Variants in TRARG1 observed in about 807,000 individuals in gnomAD.
TRARG1 encodes trafficking regulator of GLUT4 (SLC2A4) 1 (gene/pseudogene).
A neutral mutation model predicts 13.3 loss-of-function variants in TRARG1; 16 were observed. That is an observed-to-expected ratio of 1.20 (90% CI 0.81 to 1.83). TRARG1 has a LOEUF of 1.83. TRARG1 is among the 40% of genes most tolerant of loss of function. The probability of loss-of-function intolerance (pLI) is 0.00; values close to 1 mark genes in which losing one functional copy is unlikely to be tolerated. For synonymous variants in TRARG1, 113 were observed against 106.2 expected (o/e 1.06, Z -0.39); for missense variants, 250 against 237.4 (o/e 1.05, Z -0.35).
intron 1 of TRARG1, among the ~76,000 whole-genome samples, chr17:1,290,016 G>GAACT (rs973170210): frequency 6.6e-6 from 1 of 152,082 alleles, no homozygotes; most frequent in Non-Finnish European, 1.5e-5. Context: ...GGGAACCTGG[G>GAACT]AACTGTTCAA....
intron 1 of TRARG1, among the ~76,000 whole-genome samples, chr17:1,291,105 C>T (rs1433183144): frequency 6.6e-6 from 1 of 152,108 alleles, no homozygotes; most frequent in African/African-American, 2.4e-5. Flanking sequence ...GGGGTTTCAC[C>T]ATGTTGGTCA....
intron 1 of TRARG1, among the ~76,000 whole-genome samples, chr17:1,283,883 C>A (rs1176025027): frequency 2.0e-5 from 3 of 151,870 alleles, no homozygotes; most frequent in Non-Finnish European, 4.4e-5. Flanking sequence ...GAGGCCGAGG[C>A]GGGCAGATCA....
At chr17:1,290,650 G>A (rs994487726) in intron 1 of TRARG1, among the ~76,000 whole-genome samples, 4 of 151,978 alleles carry the variant, frequency 2.6e-5, no homozygotes, top group African/African-American at 9.7e-5. Context: ...CTTGTACCAC[G>A]CCCACATCAT....
rs2072140222 is a variant in TRARG1 at position 1,299,621 on chromosome 17, G to C, written c.*1357G>C. 2 of 152,340 alleles carry C rather than the reference G, an allele frequency of 1.3e-5. No individual in the cohort carries two copies. Among genetic ancestry groups the C allele is most frequent in the South Asian group, 2.1e-4 (1 of 4,824 alleles). The allele number at this position is 152,340 out of a possible 1,614,324, so 9.4% of individuals were successfully genotyped here. ...ACACTTCTCCCTGGCCCAGGCTCCA[G>C]CCACAGGCACCTCTCCTGCCCCCGC... On this transcript the variant is annotated 3_prime_UTR_variant, in exon 3 of 3. Coordinates refer to ENST00000333813, the MANE Select transcript of TRARG1 (RefSeq NM_172367.3).
chr17:1,283,673 G>C (rs189387291), intron 1 of TRARG1, among the ~76,000 whole-genome samples: 58 of 152,088 alleles, frequency 3.8e-4, no homozygotes, highest in African/African-American at 1.3e-3. Context: ...GCCAGGTGTG[G>C]TGTCATGTGC....
At chr17:1,282,253 T>TATGTATATGTACGTATATGC (rs2071985400) in intron 1 of TRARG1, among the ~76,000 whole-genome samples, 2 of 105,462 alleles carry the variant, frequency 1.9e-5, no homozygotes, top group Admixed American at 9.6e-5. Flanking sequence ...CACGTATATG[T>TATGTATATGTACGTATATGC]ACGTATATGT....
At chr17:1,292,905 A>G (rs954826518) in intron 1 of TRARG1, among the ~76,000 whole-genome samples, 4 of 152,146 alleles carry the variant, frequency 2.6e-5, no homozygotes, top group African/African-American at 9.7e-5. Context: ...CTGGGGTCTC[A>G]CACAGGGCCT....
chr17:1,279,929 A>G lies in TRARG1; in HGVS notation c.-73A>G. On this transcript the variant is annotated 5_prime_UTR_variant, in exon 1 of 3. Coordinates refer to ENST00000333813, the MANE Select transcript of TRARG1 (RefSeq NM_172367.3). Reference sequence around the variant, plus strand: ...TGGAGGCCCTCAGTCTGGGCTGGGGAATGGCGCGCTGAGGTCCCTCCAGAG... The same window carrying G: ...TGGAGGCCCTCAGTCTGGGCTGGGGGATGGCGCGCTGAGGTCCCTCCAGAG... 6.6e-7 allele frequency: 1 copy of G among 1,509,832 alleles called. No individual in the cohort carries two copies. Among genetic ancestry groups the G allele is most frequent in the South Asian group, 1.3e-5 (1 of 74,610 alleles). 93.5% of individuals were successfully genotyped at this position (1,509,832 alleles called of 1,614,324 possible). A position where few individuals can be genotyped will look rare whatever the true frequency, so the allele number is the denominator to read the frequency against.
intron 1 of TRARG1, among the ~76,000 whole-genome samples, chr17:1,288,348 T>TTCCCCATCCCCCAGGGGC (rs1567930575): frequency 3.3e-5 from 1 of 30,612 alleles, no homozygotes. Context: ...CCCCCACGGG[T>TTCCCCATCCCCCAGGGGC]TCCCCATCCC....
At chr17:1,291,668 A>G (rs2072070173) in intron 1 of TRARG1, among the ~76,000 whole-genome samples, 1 of 152,172 alleles carries the variant, frequency 6.6e-6, no homozygotes, top group South Asian at 2.1e-4. Context: ...ATTTGGCATC[A>G]TACCTAGCAC....
rs2071964481 is a variant in TRARG1, at chr17:1,280,356, C to T, written c.355C>T (p.Leu119Phe). ...VVACFCPVWP[L>F]NLIPLIISIM... is the part of the protein sequence containing the mutation. The stretch of plus-strand genomic sequence containing the variant: ...CGCCTGCTTCTGCCCCGTCTGGCCC[C>T]TCAACCTCATCCCCCTCATCATTTC... Residue 119 changes from leucine to phenylalanine, a missense_variant, in exon 1 of 3, where the codon CTC becomes TTC. By Grantham distance (22) the Leu-to-Phe change is conservative. Transcript: ENST00000333813. The T allele has an allele frequency of 2.5e-6, 4 of 1,609,354 alleles. No homozygotes were observed. Among genetic ancestry groups the T allele is most frequent in the Non-Finnish European group, 3.4e-6 (4 of 1,177,868 alleles).
intron 1 of TRARG1, among the ~76,000 whole-genome samples, chr17:1,282,219 C>CGTATATGT (rs1567928157): frequency 0.014 from 1,643 of 114,916 alleles, 79 homozygotes; most frequent in African/African-American, 0.044. Flanking sequence ...TGTACGTATA[C>CGTATATGT]ACGTGCGTAT....
chr17:1,291,560 C>T (rs529350090), intron 1 of TRARG1, among the ~76,000 whole-genome samples: 23 of 152,212 alleles, frequency 1.5e-4, no homozygotes, highest in African/African-American at 4.8e-4. Flanking sequence ...GTCAGTTAAA[C>T]CTCTTTCCTC....
At chr17:1,295,362 G>A in intron 1 of TRARG1, 129 bp from the exon 2 acceptor site, 1 of 1,213,574 alleles carries the variant, frequency 8.2e-7, no homozygotes, top group Non-Finnish European at 1.1e-6. Flanking sequence ...CCTAGAGTGT[G>A]GGCTGCCATG....
chr17:1,289,889 T>G (rs2072058153), intron 1 of TRARG1, among the ~76,000 whole-genome samples: 2 of 151,992 alleles, frequency 1.3e-5, no homozygotes, highest in Admixed American at 1.3e-4. Flanking sequence ...GAAGGGCACC[T>G]CCACTCATCC....
Position 1,280,118 on chromosome 17 carries a change from G to A in TRARG1, c.117G>A (p.Lys39=), listed in dbSNP as rs2071961292. 6.2e-7 allele frequency: 1 copy of A among 1,613,748 alleles called. No homozygotes were observed. Residue 39 remains lysine, a synonymous_variant, in exon 1 of 3, where the codon AAG becomes AAA. Transcript: ENST00000333813. ...CCAAGGCAGAGAACAAGGATGACAA[G>A]ACCCTGAATCTGTCCAAGACCCTCT... ...LLTKAENKDD[K]TLNLSKTLSG... is the part of the protein sequence containing the mutation.
chr17:1,295,486 C>T lies in TRARG1; in HGVS notation c.388-5C>T, dbSNP rs201405080. On this transcript the variant is annotated splice_polypyrimidine_tract_variant and splice_region_variant and intron_variant, in intron 1 of 2. Coordinates refer to ENST00000333813, the MANE Select transcript of TRARG1 (RefSeq NM_172367.3). Reference sequence around the variant, plus strand: ...TCCCGGGGTCTCTCTGTGCTCTCTCCGCAGTCTCGAAGCAGCATGCAACAG... The same window carrying T: ...TCCCGGGGTCTCTCTGTGCTCTCTCTGCAGTCTCGAAGCAGCATGCAACAG... 6.2e-5 allele frequency: 100 copies of T among 1,601,202 alleles called. No homozygotes were observed. The highest frequency in any genetic ancestry group is 1.2e-4 in the African/African-American group (9 of 74,706).
chr17:1,282,243 C>CGCGTATATGT (rs1567928237), intron 1 of TRARG1, among the ~76,000 whole-genome samples: 2 of 93,266 alleles, frequency 2.1e-5, no homozygotes, highest in African/African-American at 9.6e-5. Context: ...TACGTATATG[C>CGCGTATATGT]ACGTATATGT....
chr17:1,295,624 G>A lies in TRARG1; in HGVS notation c.520+1G>A. On this transcript the variant is annotated splice_donor_variant, in intron 2 of 2. Transcript: ENST00000333813. LOFTEE classifies it high-confidence loss of function. ...GTGGCCGTGACCGTCAACTTCACAG[G>A]TGAGACCCAGCTCCTTGGAGAGGAG... 6.2e-7 allele frequency: 1 copy of A among 1,609,540 alleles called. No homozygotes were observed. The highest frequency in any genetic ancestry group is 8.5e-7 in the Non-Finnish European group (1 of 1,178,130).
Sources: allele counts gnomAD v4.1 joint callset (sites outside exome capture counted in the v4.1 genomes callset), GRCh38; gene constraint gnomAD v4.1.1; transcripts MANE v1.5; gene names NCBI Gene and HGNC (gene_info 2026-07-23, HGNC 2026-07-21).